ATG2A: variants seen among roughly 807,000 people sequenced by gnomAD.
ATG2A encodes autophagy related 2A, also known as autophagy-related protein 2 homolog A.
Under a neutral mutation model 214.2 loss-of-function variants are expected in ATG2A, and 103 were observed. The observed-to-expected ratio is 0.48, with a 90% confidence interval of 0.41 to 0.57. The LOEUF (loss-of-function observed/expected upper bound fraction) is 0.57, where lower values mean the gene tolerates loss of function less well. Among genes scored for constraint, ATG2A ranks in the 20% least tolerant of loss-of-function variants. ATG2A has a pLI of 0.00. For synonymous variants in ATG2A, 1,160 were observed against 1,142.1 expected (o/e 1.02, Z -0.32); for missense variants, 2,312 against 2,613.2 (o/e 0.88, Z 2.51).
chr11:64,906,682 GC>G lies in ATG2A; in HGVS notation c.2965del (p.Ala989GlnfsTer40). ...LGYFCLEAEKATLYHRAAVDD... is the reference protein window; with the variant it reads ...LGYFCLEAEKXTLYHRAAVDD... ...CCTCACACCTCGGTGGTAGAGTGTT[GC>G]CTTTTCAGCTTCCAGACAGAAGTAG... is the stretch of plus-strand genomic sequence containing the variant. On this transcript the variant is annotated frameshift_variant, in exon 20 of 41. Coordinates refer to ENST00000377264, the MANE Select transcript of ATG2A (RefSeq NM_015104.3). LOFTEE classifies it high-confidence loss of function. 6.2e-7 allele frequency: 1 copy of G among 1,613,560 alleles called. No homozygotes were observed. Among genetic ancestry groups the G allele is most frequent in the Non-Finnish European group, 8.5e-7 (1 of 1,180,000 alleles).
In ATG2A at chr11:64,912,436, G is replaced by A; in HGVS notation, c.826-13C>T. On this transcript the variant is annotated splice_polypyrimidine_tract_variant and intron_variant, in intron 6 of 40. Coordinates refer to ENST00000377264, the MANE Select transcript of ATG2A (RefSeq NM_015104.3). ...CCGCCACCTCCAACTGGGGGCCAAG[G>A]AGGCAGCCATGGAGCCTAGGCCCAC... 6.5e-7 allele frequency: 1 copy of A among 1,544,704 alleles called. No homozygotes were observed.
rs757444903 is a variant in ATG2A, at chr11:64,911,133, G to A, written c.1371C>T (p.Thr457=). The change falls in exon 10 of 41, where the codon ACC becomes ACT. Residue 457 remains threonine, a synonymous_variant. Coordinates refer to ENST00000377264, the MANE Select transcript of ATG2A (RefSeq NM_015104.3). ...GCCCATCCTTGGTGGCATCAAACTCGGTGAAAAAGTGCGTGGCGAGGTCAG... is the reference window on the plus strand; with the variant it reads ...GCCCATCCTTGGTGGCATCAAACTCAGTGAAAAAGTGCGTGGCGAGGTCAG... ...GPPDLATHFF[T]EFDATKDGPF... 1.2e-5 allele frequency: 19 copies of A among 1,614,020 alleles called. No individual in the cohort carries two copies. The highest frequency in any genetic ancestry group is 4.5e-5 in the East Asian group (2 of 44,892).
Position 64,906,445 on chromosome 11 carries a change from C to T in ATG2A, c.3072G>A (p.Ser1024=), listed in dbSNP as rs374504982. 3.2e-5 allele frequency: 51 copies of T among 1,613,142 alleles called. No individual in the cohort carries two copies. The highest frequency in any genetic ancestry group is 3.9e-5 in the Non-Finnish European group (46 of 1,179,992). ...PAQLAPTIYP[S]EEGVTERGAS... ...CTCCCCGCTCGGTCACCCCTTCCTCCGATGGGTAGATGGTTGGGGCCAGCT... is the reference window on the plus strand; with the variant it reads ...CTCCCCGCTCGGTCACCCCTTCCTCTGATGGGTAGATGGTTGGGGCCAGCT... Residue 1024 remains serine (S), a synonymous_variant, in exon 21 of 41, where the codon TCG becomes TCA. Transcript: ENST00000377264.
intron 31 of ATG2A, among the ~76,000 whole-genome samples, chr11:64,899,062 T>C (rs1024170921): frequency 2.6e-5 from 4 of 152,202 alleles, no homozygotes; most frequent in Non-Finnish European, 5.9e-5. Flanking sequence ...TGCAGGCATG[T>C]GCCACCACAC....
Position 64,911,901 on chromosome 11 carries a change from G to A in ATG2A, c.1169C>T (p.Ala390Val), listed in dbSNP as rs775599422. 3.7e-6 allele frequency: 6 copies of A among 1,613,584 alleles called. No individual in the cohort carries two copies. The highest frequency in any genetic ancestry group is 1.7e-4 in the Middle Eastern group (1 of 6,042). ...GGCCATGTCGCTGCGCACAGAGGAG[G>A]CCAGGTCTACATCGGAGAGGGAGAG... ...SELSLSDVDL[A>V]SSVRSDMASR... The change falls in exon 9 of 41, where the codon GCC becomes GTC. Residue 390 changes from alanine (A) to valine (V), a missense_variant. Physicochemically the swap from Ala to Val is moderately conservative, Grantham distance 64. Coordinates refer to ENST00000377264, the MANE Select transcript of ATG2A (RefSeq NM_015104.3).
chr11:64,910,080 C>T lies in ATG2A; in HGVS notation c.1823G>A (p.Arg608His), dbSNP rs781153736. The T allele has an allele frequency of 1.3e-5, 21 of 1,605,874 alleles. No individual in the cohort carries two copies. Among genetic ancestry groups the T allele is most frequent in the South Asian group, 9.9e-5 (9 of 90,538 alleles). Residue 608 changes from arginine to histidine, a missense_variant, in exon 13 of 41, where the codon CGC becomes CAC. Arg to His is a conservative substitution (Grantham distance 29, BLOSUM62 0). Transcript: ENST00000377264. The part of the protein sequence containing the change: ...GALDRLAALL[R>H]LATVPAEPPA... ...AGGCTCAGCAGGTACGGTGGCCAGG[C>T]GCAGTAGGGCGGCCAGCCGGTCCAG...
At position 64,911,928 on chromosome 11, in the gene ATG2A, T is replaced by A. The variant is rs1207681491; in HGVS notation, c.1142A>T (p.Glu381Val). Residue 381 changes from glutamate (E) to valine (V), a missense_variant, in exon 9 of 41, where the codon GAG becomes GTG. Glu to Val is a moderately radical substitution (Grantham distance 121). Coordinates refer to ENST00000377264, the MANE Select transcript of ATG2A (RefSeq NM_015104.3). ...LTSSVASALS[E>V]LSLSDVDLAS... ...CAGGTCTACATCGGAGAGGGAGAGCTCAGAGAGGGCTGAGGCCACACTGCT... is the reference window on the plus strand; with the variant it reads ...CAGGTCTACATCGGAGAGGGAGAGCACAGAGAGGGCTGAGGCCACACTGCT... The A allele has an allele frequency of 1.2e-6, 2 of 1,613,458 alleles. No individual in the cohort carries two copies. Among genetic ancestry groups the A allele is most frequent in the East Asian group, 4.5e-5 (2 of 44,880 alleles).
At position 64,900,488 on chromosome 11, in the gene ATG2A, A is replaced by G; in HGVS notation, c.4464+6T>C. The G allele has an allele frequency of 6.2e-7, 1 of 1,612,684 alleles. No homozygotes were observed. Among genetic ancestry groups the G allele is most frequent in the Non-Finnish European group, 8.5e-7 (1 of 1,179,812 alleles). On this transcript the variant is annotated splice_donor_region_variant and intron_variant, in intron 31 of 40. Coordinates refer to ENST00000377264, the MANE Select transcript of ATG2A (RefSeq NM_015104.3). ...ACGTGTAGTAGGCACTCGCCACCCC[A>G]CTCACCTTGCTCAGCTGGATCTCCA...
At position 64,898,264 on chromosome 11, in the gene ATG2A, G is replaced by A. The variant is rs1195572202; in HGVS notation, c.4770C>T (p.Asp1590=). 1 of 1,613,708 alleles carries A rather than the reference G, an allele frequency of 6.2e-7. No individual in the cohort carries two copies. Among genetic ancestry groups the A allele is most frequent in the East Asian group, 2.2e-5 (1 of 44,898 alleles). The change falls in exon 33 of 41, where the codon GAC becomes GAT. Residue 1590 remains aspartate, a synonymous_variant. Coordinates refer to ENST00000377264, the MANE Select transcript of ATG2A (RefSeq NM_015104.3). The surrounding 1 kb of genome is among the most constrained non-coding windows in gnomAD (Gnocchi z 4.5). ...VSLMPLRLNV[D]QDALFFLKDF... is the part of the protein sequence containing the mutation. The stretch of plus-strand genomic sequence containing the variant: ...TGCCCTCACGTAGACCACTCACCTG[G>A]TCCACATTGAGCCGCAGGGGCATCA...
Position 64,906,646 on chromosome 11 carries a change from C to T in ATG2A, c.2983+19G>A. 1 of 1,613,036 alleles carries T rather than the reference C, an allele frequency of 6.2e-7. No homozygotes were observed. Among genetic ancestry groups the T allele is most frequent in the Non-Finnish European group, 8.5e-7 (1 of 1,179,694 alleles). The stretch of plus-strand genomic sequence containing the variant: ...CCCAACCCTGGACCCCAGTGGTGAC[C>T]TGCCCCCAGGCCTCACACCTCGGTG... On this transcript the variant is annotated intron_variant, in intron 20 of 40. Coordinates refer to ENST00000377264, the MANE Select transcript of ATG2A (RefSeq NM_015104.3).
At position 64,894,786 on chromosome 11, in the gene ATG2A, C is replaced by T; in HGVS notation, c.*187G>A. ...TCTCCCCGGAGGAAAAGTGCAGAGCCAGGGCTAAGGCCCCAAGGCAGGGAG... is the reference window on the plus strand; with the variant it reads ...TCTCCCCGGAGGAAAAGTGCAGAGCTAGGGCTAAGGCCCCAAGGCAGGGAG... On this transcript the variant is annotated 3_prime_UTR_variant, in exon 41 of 41. Coordinates refer to ENST00000377264, the MANE Select transcript of ATG2A (RefSeq NM_015104.3). 1 of 783,820 alleles carries T rather than the reference C, an allele frequency of 1.3e-6. No individual in the cohort carries two copies. The highest frequency in any genetic ancestry group is 2.2e-6 in the Non-Finnish European group (1 of 450,392). The allele number at this position is 783,820 out of a possible 1,614,324, so 48.6% of individuals were successfully genotyped here. A position where few individuals can be genotyped will look rare whatever the true frequency, so the allele number is the denominator to read the frequency against.
Position 64,917,143 on chromosome 11 carries a change from A to G in ATG2A, c.-8T>C. 1 of 1,597,176 alleles carries G rather than the reference A, an allele frequency of 6.3e-7. No individual in the cohort carries two copies. The highest frequency in any genetic ancestry group is 1.1e-5 in the South Asian group (1 of 90,172). ...CCACAGCCATCGTGACATCTCGGAGACCGCCGGGCCTGGGCCGCCTCCGCT... is the reference window on the plus strand; with the variant it reads ...CCACAGCCATCGTGACATCTCGGAGGCCGCCGGGCCTGGGCCGCCTCCGCT... On this transcript the variant is annotated 5_prime_UTR_variant, in exon 1 of 41. Coordinates refer to ENST00000377264, the MANE Select transcript of ATG2A (RefSeq NM_015104.3).
At position 64,895,224 on chromosome 11, in the gene ATG2A, G is replaced by T. The variant is rs764339266; in HGVS notation, c.5581-15C>A. ...TCCAAGATGCCCTGTGGAAGCCAGA[G>T]GTCAGGGCGGGGTCTGTGTGAGGAG... On this transcript the variant is annotated splice_polypyrimidine_tract_variant and intron_variant, in intron 40 of 40. Coordinates refer to ENST00000377264, the MANE Select transcript of ATG2A (RefSeq NM_015104.3). This position sits in a 1 kb window ranked among gnomAD's most constrained non-coding sequence, Gnocchi z 5.0. 1 of 1,613,006 alleles carries T rather than the reference G, an allele frequency of 6.2e-7. No homozygotes were observed. Among genetic ancestry groups the T allele is most frequent in the East Asian group, 2.2e-5 (1 of 44,878 alleles).
rs780263618 is a variant in ATG2A at position 64,895,402 on chromosome 11, G to A, written c.5468C>T (p.Ala1823Val). Residue 1823 changes from alanine (A) to valine (V), a missense_variant, in exon 40 of 41, where the codon GCC (alanine) becomes GTC (valine). By Grantham distance (64) the Ala-to-Val change is moderately conservative. Transcript: ENST00000377264. This position sits in a 1 kb window ranked among gnomAD's most constrained non-coding sequence, Gnocchi z 5.0. ...ATCCTGCAGGGAGCGGGAGACGGGG[G>A]CTGCCGGGGACAGGATGTCATACAC... Reference protein sequence around the residue: ...ETVYDILSPAAPVSRSLQDKR... With the variant: ...ETVYDILSPAVPVSRSLQDKR... 4 of 1,608,340 alleles carry A rather than the reference G, an allele frequency of 2.5e-6. No homozygotes were observed. The highest frequency in any genetic ancestry group is 3.4e-6 in the Non-Finnish European group (4 of 1,177,012).
In ATG2A at chr11:64,909,373, G is replaced by A. The variant is rs1944675424; in HGVS notation, c.2108-6C>T. 6 of 1,611,400 alleles carry A rather than the reference G, an allele frequency of 3.7e-6. No individual in the cohort carries two copies. Among genetic ancestry groups the A allele is most frequent in the Non-Finnish European group, 5.1e-6 (6 of 1,178,692 alleles). ...CCCTCCATCTTCATAGATACCTGGA[G>A]GGGGATGGGGAATTAGGGGGGTCAT... On this transcript the variant is annotated splice_polypyrimidine_tract_variant and splice_region_variant and intron_variant, in intron 14 of 40. Coordinates refer to ENST00000377264, the MANE Select transcript of ATG2A (RefSeq NM_015104.3).
At position 64,897,836 on chromosome 11, in the gene ATG2A, T is replaced by C. The variant is rs1170799202; in HGVS notation, c.4994+3A>G. On this transcript the variant is annotated splice_donor_region_variant and intron_variant, in intron 35 of 40. Coordinates refer to ENST00000377264, the MANE Select transcript of ATG2A (RefSeq NM_015104.3). ...GCCCCCCACCCGCAGTCCAGCAGCCTACCTGAAGTAGATGGGCTGCTGGTC... is the reference window on the plus strand; with the variant it reads ...GCCCCCCACCCGCAGTCCAGCAGCCCACCTGAAGTAGATGGGCTGCTGGTC... The C allele has an allele frequency of 6.2e-7, 1 of 1,610,126 alleles. No homozygotes were observed. Among genetic ancestry groups the C allele is most frequent in the Non-Finnish European group, 8.5e-7 (1 of 1,177,476 alleles).
At chr11:64,911,785 T>C in intron 9 of ATG2A, 57 bp downstream of exon 9, 1 of 1,604,410 alleles carries the variant, frequency 6.2e-7, no homozygotes, top group Non-Finnish European at 8.5e-7. Context: ...CCCACGGCAC[T>C]AAGGCCTCTT....
intron 37 of ATG2A, 28 bp from the exon 38 acceptor site, chr11:64,896,897 G>C (rs1308146367): frequency 6.2e-7 from 1 of 1,611,246 alleles, no homozygotes; most frequent in Non-Finnish European, 8.5e-7. Flanking sequence ...TGAGGAGGCA[G>C]AAGGTGAGGC....
chr11:64,897,291 CAG>C, intron 37 of ATG2A, 119 bp downstream of exon 37: 3 of 1,214,430 alleles, frequency 2.5e-6, no homozygotes, highest in Non-Finnish European at 3.5e-6. Flanking sequence ...GTCCTTTTTA[CAG>C]AGGAGAAACT....
Sources: allele counts gnomAD v4.1 joint callset (sites outside exome capture counted in the v4.1 genomes callset), GRCh38; gene constraint gnomAD v4.1.1; non-coding constraint Gnocchi (gnomAD v3.1); transcripts MANE v1.5; gene names NCBI Gene and HGNC (gene_info 2026-07-23, HGNC 2026-07-21).